The following AMMECR1L variants were observed in gnomAD, a reference collection of about 807,000 sequenced individuals.
AMMECR1L encodes AMMECR1-like protein.
A neutral mutation model predicts 36.8 loss-of-function variants in AMMECR1L; 4 were observed. That is an observed-to-expected ratio of 0.11 (90% CI 0.05 to 0.25). AMMECR1L has a LOEUF of 0.25. Among genes scored for constraint, AMMECR1L ranks in the 10% least tolerant of loss-of-function variants. AMMECR1L has a pLI of 1.00. For missense variants in AMMECR1L, 232 were observed against 392.1 expected (o/e 0.59, Z 3.45); for synonymous variants, 147 against 148.0 (o/e 0.99, Z 0.05).
chr2:127,868,357 A>T (rs1184663357), intron 6 of AMMECR1L, among the ~76,000 whole-genome samples: 2 of 151,838 alleles, frequency 1.3e-5, no homozygotes, highest in Non-Finnish European at 3.0e-5. Context: ...CCTTGTACAG[A>T]GTGTGTTAGG....
intron 2 of AMMECR1L, among the ~76,000 whole-genome samples, chr2:127,876,602 C>T (rs551482511): frequency 1.3e-5 from 2 of 152,268 alleles, no homozygotes; most frequent in South Asian, 4.1e-4. Context: ...GCCTCCAAAG[C>T]CAGGTGGCCT....
Position 127,874,375 on chromosome 2 carries a change from A to G in AMMECR1L, c.-38-103T>C. On this transcript the variant is annotated intron_variant, in intron 2 of 7. Coordinates refer to ENST00000272647, the MANE Select transcript of AMMECR1L (RefSeq NM_001199140.2). This position sits in a 1 kb window ranked among gnomAD's most constrained non-coding sequence, Gnocchi z 5.2. ...CTGCATTGACCAGCTAAGAGCTGTC[A>G]AATTCTTTCTCCCACTCAACCTCCA... 2.7e-6 allele frequency: 3 copies of G among 1,129,384 alleles called. No individual in the cohort carries two copies. The highest frequency in any genetic ancestry group is 3.7e-6 in the Non-Finnish European group (3 of 813,892). 70.0% of individuals were successfully genotyped at this position (1,129,384 alleles called of 1,614,324 possible). A position where few individuals can be genotyped will look rare whatever the true frequency, so the allele number is the denominator to read the frequency against.
Position 127,861,901 on chromosome 2 carries a change from C to G in AMMECR1L, c.*3193G>C, listed in dbSNP as rs1281869604. The G allele has an allele frequency of 6.6e-6, 1 of 152,574 alleles. No homozygotes were observed. Among genetic ancestry groups the G allele is most frequent in the Admixed American group, 6.5e-5 (1 of 15,280 alleles). 9.5% of individuals were successfully genotyped at this position (152,574 alleles called of 1,614,324 possible). Reference sequence around the variant, plus strand: ...TGTCAACACATCATGGAAAACAGATCTTGTGCAAAATATTAACACCCAGGA... The same window carrying G: ...TGTCAACACATCATGGAAAACAGATGTTGTGCAAAATATTAACACCCAGGA... On this transcript the variant is annotated 3_prime_UTR_variant, in exon 8 of 8. Coordinates refer to ENST00000272647, the MANE Select transcript of AMMECR1L (RefSeq NM_001199140.2).
At chr2:127,867,172 G>A (rs368797034) in intron 6 of AMMECR1L, 176 bp from the exon 7 acceptor site, 11 of 985,360 alleles carry the variant, frequency 1.1e-5, no homozygotes, top group Admixed American at 1.2e-4. Flanking sequence ...TGCCAGTCCC[G>A]TGGAGACTCT....
In AMMECR1L at chr2:127,865,025, G is replaced by A; in HGVS notation, c.*69C>T. The A allele has an allele frequency of 2.0e-6, 2 of 1,005,128 alleles. No homozygotes were observed. The highest frequency in any genetic ancestry group is 3.1e-6 in the Non-Finnish European group (2 of 651,362). 62.3% of individuals were successfully genotyped at this position (1,005,128 alleles called of 1,614,324 possible). ...GAAGTAACTGGACCAGGAAGAGGAG[G>A]CATCTGCTCCAATGATGTCATAGCC... On this transcript the variant is annotated 3_prime_UTR_variant, in exon 8 of 8. Transcript: ENST00000272647. The surrounding 1 kb of genome is among the most constrained non-coding windows in gnomAD (Gnocchi z 5.4).
intron 6 of AMMECR1L, among the ~76,000 whole-genome samples, chr2:127,868,914 G>T (rs897149116): frequency 6.6e-6 from 1 of 152,010 alleles, no homozygotes; most frequent in Non-Finnish European, 1.5e-5. Context: ...TAGTAGAGAC[G>T]GGGTTTCACC....
intron 1 of AMMECR1L, 36 bp downstream of exon 1, chr2:127,885,774 C>T: frequency 1.0e-6 from 1 of 984,532 alleles, no homozygotes; most frequent in Non-Finnish European, 1.2e-6. Flanking sequence ...GGCCCGGCAG[C>T]GGGGAGAAGG....
intron 2 of AMMECR1L, among the ~76,000 whole-genome samples, chr2:127,878,841 G>C (rs1691363850): frequency 6.6e-6 from 1 of 152,204 alleles, no homozygotes; most frequent in Non-Finnish European, 1.5e-5. Context: ...TTGAGTTTTA[G>C]TGACCAAAAG....
At chr2:127,877,327 A>G (rs2104770576) in intron 2 of AMMECR1L, among the ~76,000 whole-genome samples, 1 of 138,336 alleles carries the variant, frequency 7.2e-6, no homozygotes, top group Non-Finnish European at 1.5e-5. Context: ...ACTAAGTGGC[A>G]GCGCTAGAAT....
chr2:127,885,869 C>T lies in AMMECR1L; in HGVS notation c.-208G>A, dbSNP rs1464326743. On this transcript the variant is annotated 5_prime_UTR_variant, in exon 1 of 8. Transcript: ENST00000272647. Reference sequence around the variant, plus strand: ...GGGACCTCTCGCGCTCTGCCTCCTCCTCTTGCTTCATGGAGCCATGCGCCT... The same window carrying T: ...GGGACCTCTCGCGCTCTGCCTCCTCTTCTTGCTTCATGGAGCCATGCGCCT... The T allele has an allele frequency of 2.2e-5, 22 of 986,040 alleles. No homozygotes were observed. The highest frequency in any genetic ancestry group is 2.4e-5 in the Non-Finnish European group (20 of 830,108). The allele number at this position is 986,040 out of a possible 1,614,324, so 61.1% of individuals were successfully genotyped here.
At chr2:127,878,302 C>G (rs1384107492) in intron 2 of AMMECR1L, among the ~76,000 whole-genome samples, 1 of 152,214 alleles carries the variant, frequency 6.6e-6, no homozygotes, top group East Asian at 1.9e-4. Context: ...CTGTGGGCAG[C>G]GAGCTAGAGA....
chr2:127,868,825 A>G (rs1690826274), intron 6 of AMMECR1L, among the ~76,000 whole-genome samples: 1 of 152,030 alleles, frequency 6.6e-6, no homozygotes, highest in Non-Finnish European at 1.5e-5. Flanking sequence ...CCTGGGTTCA[A>G]GTGATTCTCC....
chr2:127,879,483 C>T lies in AMMECR1L; in HGVS notation c.-39+4720G>A, dbSNP rs76362384. ...AGCAGATGCTGCTATGCTGTCTGTA[C>T]AGCCTGCAGAACCCTGAGCCAATTA... On this transcript the variant is annotated intron_variant, in intron 2 of 7. Coordinates refer to ENST00000272647, the MANE Select transcript of AMMECR1L (RefSeq NM_001199140.2). Among the ~76,000 whole-genome samples, 11 of 152,310 alleles carry T rather than the reference C, an allele frequency of 7.2e-5. 1 individual carries two copies. The East Asian group carries it at 1.9e-3, about 27-fold the overall frequency.
chr2:127,882,815 G>C (rs528494227), intron 2 of AMMECR1L, among the ~76,000 whole-genome samples: 4 of 151,712 alleles, frequency 2.6e-5, no homozygotes, highest in Non-Finnish European at 5.9e-5. Flanking sequence ...TTACTAAGCT[G>C]GTTTTGAACT....
chr2:127,872,845 C>G (rs1252368877), intron 3 of AMMECR1L: 1 of 301,154 alleles, frequency 3.3e-6, no homozygotes, highest in African/African-American at 2.3e-5. Flanking sequence ...TCCACCTGCT[C>G]AGTCAGGTGT....
chr2:127,885,898 T>C lies in AMMECR1L; in HGVS notation c.-237A>G, dbSNP rs538234026. ...TGCTTCATGGAGCCATGCGCCTGGG[T>C]GGGGGCTCCCGAGAGAAGCTGGCCT... On this transcript the variant is annotated 5_prime_UTR_variant, in exon 1 of 8. Transcript: ENST00000272647. The C allele has an allele frequency of 1.1e-3, 1,086 of 985,648 alleles. No homozygotes were observed. Among genetic ancestry groups the C allele is most frequent in the Middle Eastern group, 2.6e-3 (5 of 1,918 alleles). 61.1% of individuals were successfully genotyped at this position (985,648 alleles called of 1,614,324 possible). A position where few individuals can be genotyped will look rare whatever the true frequency, so the allele number is the denominator to read the frequency against.
Position 127,869,356 on chromosome 2 carries a change from G to A in AMMECR1L, c.724+98C>T. The A allele has an allele frequency of 2.6e-6, 3 of 1,148,662 alleles. No individual in the cohort carries two copies. The highest frequency in any genetic ancestry group is 3.9e-6 in the Non-Finnish European group (3 of 765,836). 71.2% of individuals were successfully genotyped at this position (1,148,662 alleles called of 1,614,324 possible). A position where few individuals can be genotyped will look rare whatever the true frequency, so the allele number is the denominator to read the frequency against. On this transcript the variant is annotated intron_variant, in intron 6 of 7. Transcript: ENST00000272647. This position sits in a 1 kb window ranked among gnomAD's most constrained non-coding sequence, Gnocchi z 4.7. ...GGCAGAAAGGCCCTCATTCTCAGCTGCAGTTGGGCTGCAAGATGACACACT... is the reference window on the plus strand; with the variant it reads ...GGCAGAAAGGCCCTCATTCTCAGCTACAGTTGGGCTGCAAGATGACACACT...
chr2:127,883,983 C>G (rs781655867), intron 2 of AMMECR1L, among the ~76,000 whole-genome samples: 9 of 152,186 alleles, frequency 5.9e-5, no homozygotes, highest in Non-Finnish European at 1.2e-4. Context: ...ACGCCACCAC[C>G]TAGCTCACTC....
At position 127,865,999 on chromosome 2, in the gene AMMECR1L, A is replaced by T. The variant is rs1336615468; in HGVS notation, c.822-794T>A. ...GGAAATGGCTGTTCAAATAAATTATAATAATAATAATAATGCTTTGTATTT... is the reference window on the plus strand; with the variant it reads ...GGAAATGGCTGTTCAAATAAATTATTATAATAATAATAATGCTTTGTATTT... On this transcript the variant is annotated intron_variant, in intron 7 of 7. Coordinates refer to ENST00000272647, the MANE Select transcript of AMMECR1L (RefSeq NM_001199140.2). This position sits in a 1 kb window ranked among gnomAD's most constrained non-coding sequence, Gnocchi z 5.4. Among the ~76,000 whole-genome samples, 1 of 152,120 alleles carries T rather than the reference A, an allele frequency of 6.6e-6. No homozygotes were observed. Among genetic ancestry groups the T allele is most frequent in the Admixed American group, 6.5e-5 (1 of 15,270 alleles).
Sources: gnomAD v4.1 joint callset for allele counts (sites outside exome capture counted in the v4.1 genomes callset) on GRCh38, gnomAD v4.1.1 for gene constraint, Gnocchi (gnomAD v3.1) non-coding constraint, MANE v1.5 for transcripts, NCBI Gene and HGNC (gene_info 2026-07-23, HGNC 2026-07-21) for gene names.